PALS2: variants seen among roughly 807,000 people sequenced by gnomAD.
PALS2 encodes protein PALS2.
Under a neutral mutation model 61.6 loss-of-function variants are expected in PALS2, and 27 were observed. The observed-to-expected ratio is 0.44, with a 90% CI of 0.32 to 0.60. The LOEUF is 0.60. Among genes scored for constraint, PALS2 ranks in the 20% least tolerant of loss-of-function variants. PALS2 has a pLI of 0.05. For synonymous variants in PALS2, 236 were observed against 218.6 expected (o/e 1.08, Z -0.70); for missense variants, 554 against 639.4 (o/e 0.87, Z 1.44).
At chr7:24,606,832 G>T (rs1268415862) in intron 1 of PALS2, among the ~76,000 whole-genome samples, 29 of 152,058 alleles carry the variant, frequency 1.9e-4, no homozygotes. Context: ...CTGGATTTTG[G>T]AATATTTGCA....
At chr7:24,682,590 T>A (rs1312726889) in intron 11 of PALS2, among the ~76,000 whole-genome samples, 1 of 152,190 alleles carries the variant, frequency 6.6e-6, no homozygotes, top group Non-Finnish European at 1.5e-5. Flanking sequence ...CTTTCTATGA[T>A]CTGTTTTTAA....
chr7:24,632,281 T>C (rs1419267000), intron 2 of PALS2, among the ~76,000 whole-genome samples: 1 of 152,266 alleles, frequency 6.6e-6, no homozygotes, highest in Non-Finnish European at 1.5e-5. Context: ...CTTTAGTTAA[T>C]GTTAGCATGA....
Position 24,583,141 on chromosome 7 carries a change from T to C in PALS2, c.-3+9548T>C, listed in dbSNP as rs576715603. 3.9e-5 allele frequency among the ~76,000 whole-genome samples: 6 copies of C among 152,196 alleles called. No homozygotes were observed. The East Asian group carries it at 9.7e-4, about 24-fold the overall frequency. ...CTCCTGACCTCGTGATCTGCCTGCC[T>C]TGGCCTCCCAAAGTGCTGGGATTAC... On this transcript the variant is annotated intron_variant, in intron 1 of 11. Coordinates refer to ENST00000222644, the MANE Select transcript of PALS2 (RefSeq NM_001303037.2).
chr7:24,681,042 C>T (rs778376626), intron 11 of PALS2, among the ~76,000 whole-genome samples: 5 of 151,634 alleles, frequency 3.3e-5, no homozygotes, highest in Non-Finnish European at 5.9e-5. Context: ...AGTTTAGTTC[C>T]CCTTTGTAAA....
chr7:24,653,400 A>C (rs1372299803), intron 5 of PALS2, among the ~76,000 whole-genome samples: 2 of 152,156 alleles, frequency 1.3e-5, no homozygotes, highest in Non-Finnish European at 2.9e-5. Context: ...TTACAAAAAA[A>C]AAAAATAGAA....
In PALS2 at chr7:24,687,313, T is replaced by A. The variant is rs1471345524; in HGVS notation, c.1447-125T>A. 9.9e-6 allele frequency: 7 copies of A among 710,630 alleles called. No homozygotes were observed. The highest frequency in any genetic ancestry group is 1.6e-5 in the Non-Finnish European group (7 of 435,392). 44.0% of individuals were successfully genotyped at this position (710,630 alleles called of 1,614,324 possible). A position where few individuals can be genotyped will look rare whatever the true frequency, so the allele number is the denominator to read the frequency against. On this transcript the variant is annotated intron_variant, in intron 11 of 11. Transcript: ENST00000222644. The surrounding 1 kb of genome is among the most constrained non-coding windows in gnomAD (Gnocchi z 4.5). The stretch of plus-strand genomic sequence containing the variant: ...CTTTAACACTATATGGATTAGATTT[T>A]GAAGATTAATACCAGAATTACCAGA...
intron 1 of PALS2, among the ~76,000 whole-genome samples, chr7:24,610,251 C>T (rs1027542809): frequency 6.6e-6 from 1 of 152,028 alleles, no homozygotes; most frequent in East Asian, 1.9e-4. Context: ...AGTAATTTAC[C>T]CGGGTTTTCA....
chr7:24,663,453 A>G (rs1036384381), intron 5 of PALS2, 137 bp from the exon 6 acceptor site: 4 of 791,278 alleles, frequency 5.1e-6, no homozygotes, highest in Middle Eastern at 4.0e-4. Flanking sequence ...ATTTCCATTT[A>G]TGAGAGACAA....
chr7:24,655,070 AT>A (rs1786346212), intron 5 of PALS2, among the ~76,000 whole-genome samples: 1 of 152,244 alleles, frequency 6.6e-6, no homozygotes, highest in African/African-American at 2.4e-5. Flanking sequence ...ATAATGTGAT[AT>A]ACCATTAAGT....
chr7:24,679,415 G>A, intron 10 of PALS2, 82 bp downstream of exon 10: 1 of 1,447,890 alleles, frequency 6.9e-7, no homozygotes, highest in Non-Finnish European at 9.4e-7. Context: ...TGTTGGGTTG[G>A]GGTTGTTTGT....
In PALS2 at chr7:24,693,738, A is replaced by G. The variant is rs976977719; in HGVS notation, c.*6124A>G. ...GGCTCCTGTCTCTTCAGTAACACTGATTTTTTTTTAAAGAAGTGATATGTT... is the reference window on the plus strand; with the variant it reads ...GGCTCCTGTCTCTTCAGTAACACTGGTTTTTTTTTAAAGAAGTGATATGTT... On this transcript the variant is annotated 3_prime_UTR_variant, in exon 12 of 12. Coordinates refer to ENST00000222644, the MANE Select transcript of PALS2 (RefSeq NM_001303037.2). 2.6e-5 allele frequency: 4 copies of G among 151,778 alleles called. No homozygotes were observed. Among genetic ancestry groups the G allele is most frequent in the African/African-American group, 9.7e-5 (4 of 41,440 alleles). 9.4% of individuals were successfully genotyped at this position (151,778 alleles called of 1,614,324 possible). A position where few individuals can be genotyped will look rare whatever the true frequency, so the allele number is the denominator to read the frequency against.
intron 5 of PALS2, among the ~76,000 whole-genome samples, chr7:24,663,011 T>A (rs1373700809): frequency 6.6e-6 from 1 of 152,216 alleles, no homozygotes; most frequent in Non-Finnish European, 1.5e-5. Flanking sequence ...TTTCGAGACT[T>A]CTTCAGTATT....
At chr7:24,588,274 A>G (rs752515335) in intron 1 of PALS2, among the ~76,000 whole-genome samples, 1 of 152,146 alleles carries the variant, frequency 6.6e-6, no homozygotes, top group Non-Finnish European at 1.5e-5. Context: ...TACCATATAG[A>G]TTCTTACTCT....
intron 1 of PALS2, among the ~76,000 whole-genome samples, chr7:24,588,618 A>C (rs1401596746): frequency 6.6e-6 from 1 of 152,192 alleles, no homozygotes; most frequent in African/African-American, 2.4e-5. Flanking sequence ...AAGACCCTTA[A>C]GGGAAAAACT....
At chr7:24,587,595 C>T (rs997779125) in intron 1 of PALS2, among the ~76,000 whole-genome samples, 4 of 150,706 alleles carry the variant, frequency 2.7e-5, no homozygotes, top group Admixed American at 2.6e-4. Context: ...AGCCTGGTCT[C>T]AGAACTCCTG....
chr7:24,675,183 G>C (rs888890152), intron 9 of PALS2, among the ~76,000 whole-genome samples: 5 of 152,076 alleles, frequency 3.3e-5, no homozygotes, highest in African/African-American at 1.2e-4. Context: ...TCAGCATGGA[G>C]GTAGAGGTAA....
chr7:24,598,024 A>G lies in PALS2; in HGVS notation c.-3+24431A>G, dbSNP rs115441612. 5.2e-3 allele frequency among the ~76,000 whole-genome samples: 789 copies of G among 152,222 alleles called. 7 individuals are homozygous for G. The highest frequency in any genetic ancestry group is 0.017 in the African/African-American group (722 of 41,538). ...TGGAATGGAGAAAAGAGCTGTGGAA[A>G]ATAAGAGGTGAGGGGAGATGATTAC... On this transcript the variant is annotated intron_variant, in intron 1 of 11. Transcript: ENST00000222644.
chr7:24,633,318 C>T (rs1583910207), intron 2 of PALS2, among the ~76,000 whole-genome samples: 6 of 129,926 alleles, frequency 4.6e-5, no homozygotes, highest in Admixed American at 1.5e-4. Context: ...TTTATGATAA[C>T]TTTACTGGAT....
intron 2 of PALS2, among the ~76,000 whole-genome samples, chr7:24,632,872 A>G (rs1271275701): frequency 1.3e-5 from 2 of 151,222 alleles, no homozygotes; most frequent in African/African-American, 2.4e-5. Context: ...TGTGATTTCA[A>G]TTTTCTCTCT....
Sources: gnomAD v4.1 joint callset for allele counts (sites outside exome capture counted in the v4.1 genomes callset) on GRCh38, gnomAD v4.1.1 for gene constraint, Gnocchi (gnomAD v3.1) non-coding constraint, MANE v1.5 for transcripts, NCBI Gene and HGNC (gene_info 2026-07-23, HGNC 2026-07-21) for gene names.